The following CDK19 variants were observed in gnomAD, a reference collection of about 807,000 sequenced individuals.
CDK19 encodes the protein cyclin-dependent kinase 19.
Under a neutral mutation model 68.3 loss-of-function variants are expected in CDK19, and 20 were observed. That is an observed-to-expected ratio of 0.29 (90% CI 0.21 to 0.43). CDK19 has a LOEUF of 0.43. Among genes scored for constraint, CDK19 ranks in the 20% least tolerant of loss-of-function variants. The probability of loss-of-function intolerance (pLI) is 1.00; values close to 1 mark genes in which losing one functional copy is unlikely to be tolerated. For synonymous variants in CDK19, 221 were observed against 222.8 expected (o/e 0.99, Z 0.07); for missense variants, 339 against 623.5 (o/e 0.54, Z 4.86).
chr6:110,776,381 A>G (rs1469978411), intron 1 of CDK19, among the ~76,000 whole-genome samples: 1 of 151,894 alleles, frequency 6.6e-6, no homozygotes, highest in Non-Finnish European at 1.5e-5. Flanking sequence ...GTGAGCCGAG[A>G]TCGTGCCACT....
chr6:110,807,885 A>T (rs910981699), intron 1 of CDK19, among the ~76,000 whole-genome samples: 6 of 151,336 alleles, frequency 4.0e-5, no homozygotes, highest in African/African-American at 1.5e-4. Flanking sequence ...ATAGCTCACT[A>T]TAGCCTCAAA....
chr6:110,723,141 A>C (rs552491072), intron 2 of CDK19, among the ~76,000 whole-genome samples: 20 of 100,358 alleles, frequency 2.0e-4, no homozygotes, highest in South Asian at 5.2e-4. Flanking sequence ...TTGTCAAAAA[A>C]AACAAAAAAC....
chr6:110,708,266 T>C (rs1312244985), intron 2 of CDK19, among the ~76,000 whole-genome samples: 1 of 152,190 alleles, frequency 6.6e-6, no homozygotes, highest in African/African-American at 2.4e-5. Flanking sequence ...TTCCAGACCA[T>C]GCAGATCACT....
intron 1 of CDK19, among the ~76,000 whole-genome samples, chr6:110,804,677 C>T (rs1354927235): frequency 2.7e-5 from 4 of 147,774 alleles, no homozygotes; most frequent in Non-Finnish European, 6.0e-5. Context: ...GACCTGTTGC[C>T]GGGCGCGGTG....
At chr6:110,724,287 G>C (rs577326133) in intron 2 of CDK19, among the ~76,000 whole-genome samples, 1 of 152,204 alleles carries the variant, frequency 6.6e-6, no homozygotes, top group Admixed American at 6.5e-5. Context: ...CCCGGGAGGC[G>C]GAGGATGCAG....
intron 1 of CDK19, among the ~76,000 whole-genome samples, chr6:110,775,075 A>T (rs561034061): frequency 1.3e-5 from 2 of 151,956 alleles, no homozygotes; most frequent in East Asian, 3.9e-4. Context: ...GTGAAACCCC[A>T]TCTCTACTAA....
chr6:110,640,683 G>C (rs1450525573), intron 4 of CDK19, among the ~76,000 whole-genome samples: 1 of 152,166 alleles, frequency 6.6e-6, no homozygotes, highest in Non-Finnish European at 1.5e-5. Context: ...AGGCGTGGTG[G>C]CTCAAACCTG....
chr6:110,614,124 T>C lies in CDK19; in HGVS notation c.*411A>G, dbSNP rs1778163613. Reference sequence around the variant, plus strand: ...TGTTGCTAAATCAGTTCATGAAGTATAAAACTATACACCACTGGAATCCTG... The same window carrying C: ...TGTTGCTAAATCAGTTCATGAAGTACAAAACTATACACCACTGGAATCCTG... On this transcript the variant is annotated 3_prime_UTR_variant, in exon 13 of 13. Coordinates refer to ENST00000368911, the MANE Select transcript of CDK19 (RefSeq NM_015076.5). The C allele has an allele frequency of 6.3e-6, 1 of 158,482 alleles. No homozygotes were observed. Among genetic ancestry groups the C allele is most frequent in the African/African-American group, 2.4e-5 (1 of 41,642 alleles). The allele number at this position is 158,482 out of a possible 1,614,324, so 9.8% of individuals were successfully genotyped here.
intron 1 of CDK19, among the ~76,000 whole-genome samples, chr6:110,799,143 T>TA (rs1562297662): frequency 1.9e-4 from 6 of 31,344 alleles, no homozygotes; most frequent in African/African-American, 3.9e-4. Flanking sequence ...AACCCTGTAT[T>TA]TAAAAAAAAA....
chr6:110,624,539 C>G (rs1778964871), intron 8 of CDK19, among the ~76,000 whole-genome samples: 1 of 152,158 alleles, frequency 6.6e-6, no homozygotes, highest in South Asian at 2.1e-4. Context: ...TATAATGTCC[C>G]TTTGGTGTTT....
At chr6:110,673,905 T>C (rs1006421873) in intron 2 of CDK19, among the ~76,000 whole-genome samples, 6 of 152,134 alleles carry the variant, frequency 3.9e-5, no homozygotes, top group Non-Finnish European at 1.5e-5. Context: ...CTAGGTCTCC[T>C]TTCCATATGT....
intron 2 of CDK19, among the ~76,000 whole-genome samples, chr6:110,685,809 G>A (rs1046743911): frequency 3.3e-5 from 5 of 152,162 alleles, no homozygotes; most frequent in African/African-American, 9.7e-5. Context: ...TGAGGCTCAA[G>A]CTAAAACTAT....
chr6:110,799,667 G>A (rs909755022), intron 1 of CDK19, among the ~76,000 whole-genome samples: 2 of 151,532 alleles, frequency 1.3e-5, no homozygotes, highest in Admixed American at 6.6e-5. Flanking sequence ...GCACAATCTC[G>A]GCTCACTGCA....
rs762098741 is a variant in CDK19, at chr6:110,638,659, T to A, written c.504A>T (p.Arg168Ser). The change falls in exon 5 of 13, where the codon AGA becomes AGT. Residue 168 changes from arginine to serine, a missense_variant. Transcript: ENST00000368911. ...GGAATAATTACCTACCTATTTTGAC[T>A]CTCCCCCTCTCAGGACCTTCTCCCA... ...LVMGEGPERG[R>S]VKIADMGFAR... is the part of the protein sequence containing the mutation. The A allele has an allele frequency of 2.6e-6, 4 of 1,517,004 alleles. No individual in the cohort carries two copies. The South Asian group carries it at 4.6e-5, about 17-fold the overall frequency. 94.0% of individuals were successfully genotyped at this position (1,517,004 alleles called of 1,614,324 possible).
intron 2 of CDK19, among the ~76,000 whole-genome samples, chr6:110,724,866 G>A (rs756857969): frequency 2.6e-5 from 4 of 151,806 alleles, no homozygotes; most frequent in Non-Finnish European, 5.9e-5. Flanking sequence ...ACACCTAGGT[G>A]GAAAATGAAA....
intron 2 of CDK19, among the ~76,000 whole-genome samples, chr6:110,739,877 C>A (rs191714216): frequency 6.6e-6 from 1 of 151,848 alleles, no homozygotes; most frequent in African/African-American, 2.4e-5. Context: ...TGGCCTCAAG[C>A]AATCATCCCA....
chr6:110,692,483 A>C lies in CDK19; in HGVS notation c.205-21942T>G, dbSNP rs535491010. Among the ~76,000 whole-genome samples, 7 of 152,260 alleles carry C rather than the reference A, an allele frequency of 4.6e-5. No homozygotes were observed. The East Asian group carries it at 1.4e-3, about 29-fold the overall frequency. On this transcript the variant is annotated intron_variant, in intron 2 of 12. Coordinates refer to ENST00000368911, the MANE Select transcript of CDK19 (RefSeq NM_015076.5). ...ATGAACAAAGTCTCCAAGAAATATG[A>C]GATTATGTAAAATAGGCAAAGGTAA...
intron 1 of CDK19, among the ~76,000 whole-genome samples, chr6:110,754,591 T>C (rs1457350905): frequency 2.6e-5 from 4 of 151,110 alleles, no homozygotes; most frequent in Admixed American, 6.6e-5. Context: ...GCGATTCTCA[T>C]GCCTCAGCCT....
intron 4 of CDK19, among the ~76,000 whole-genome samples, chr6:110,651,788 T>C (rs1457860835): frequency 2.0e-5 from 3 of 152,222 alleles, no homozygotes; most frequent in Non-Finnish European, 4.4e-5. Context: ...GTTGAAAATT[T>C]TGAGAACCTG....
Sources: gnomAD v4.1 joint callset for allele counts (sites outside exome capture counted in the v4.1 genomes callset) on GRCh38, gnomAD v4.1.1 for gene constraint, MANE v1.5 for transcripts, NCBI Gene and HGNC (gene_info 2026-07-23, HGNC 2026-07-21) for gene names.